Variants in HEATR5A observed in about 807,000 individuals in gnomAD.
HEATR5A encodes HEAT repeat-containing protein 5A.
HEATR5A carries 178 observed loss-of-function variants against 218.8 expected under a neutral mutation model. That is an observed-to-expected ratio of 0.81 (90% CI 0.72 to 0.92). The LOEUF (loss-of-function observed/expected upper bound fraction) is 0.92. Ranked by LOEUF, HEATR5A falls within the 40% of genes least tolerant of loss-of-function variation. The pLI, the probability that HEATR5A is intolerant of heterozygous loss-of-function variation, is 0.00. For missense variants in HEATR5A, 2,420 were observed against 2,418.9 expected (o/e 1.00, Z -0.01); for synonymous variants, 864 against 871.6 (o/e 0.99, Z 0.15).
chr14:31,381,109 G>A (rs970344005), intron 10 of HEATR5A, among the ~76,000 whole-genome samples: 9 of 152,054 alleles, frequency 5.9e-5, no homozygotes, highest in African/African-American at 1.9e-4. Context: ...TTAGCCGGGC[G>A]TGGTGGCACA....
intron 14 of HEATR5A, among the ~76,000 whole-genome samples, chr14:31,363,502 T>C (rs756615739): frequency 3.9e-5 from 6 of 152,160 alleles, no homozygotes; most frequent in Non-Finnish European, 8.8e-5. Flanking sequence ...TGAGGCAAAC[T>C]TATGTTTCAA....
At chr14:31,377,528 G>A (rs1383833543) in intron 11 of HEATR5A, among the ~76,000 whole-genome samples, 1 of 152,022 alleles carries the variant, frequency 6.6e-6, no homozygotes. Context: ...CAGAACTTTG[G>A]GAGGTCAAGG....
intron 28 of HEATR5A, among the ~76,000 whole-genome samples, chr14:31,312,098 G>A (rs1379557938): frequency 6.6e-6 from 1 of 152,186 alleles, no homozygotes; most frequent in Non-Finnish European, 1.5e-5. Flanking sequence ...GGAGAGGGTA[G>A]GCTGTTTACA....
chr14:31,389,105 T>C (rs1258719296), intron 6 of HEATR5A, 100 bp from the exon 7 acceptor site: 8 of 1,143,432 alleles, frequency 7.0e-6, no homozygotes, highest in Non-Finnish European at 9.8e-6. Flanking sequence ...AAAAATAAAC[T>C]AAAAATTCAA....
At position 31,387,176 on chromosome 14, in the gene HEATR5A, T is replaced by C. The variant is rs768905149; in HGVS notation, c.1133A>G (p.Gln378Arg). The change falls in exon 8 of 36, where the codon CAG (glutamine) becomes CGG (arginine). Residue 378 changes from glutamine to arginine, a missense_variant. Transcript: ENST00000543095. ...TIGGLLGEKAQLAAVKDICQA... is the reference protein window; with the variant it reads ...TIGGLLGEKARLAAVKDICQA... ...GCAAATATCCTTTACAGCAGCAAGC[T>C]GAGCCTTTTCTCCAAGAAGACCACC... The C allele has an allele frequency of 1.9e-5, 30 of 1,613,820 alleles. No individual in the cohort carries two copies. The highest frequency in any genetic ancestry group is 8.5e-7 in the Non-Finnish European group (1 of 1,179,868).
At chr14:31,327,275 C>T (rs2139175464) in intron 22 of HEATR5A, among the ~76,000 whole-genome samples, 1 of 148,208 alleles carries the variant, frequency 6.7e-6, no homozygotes, top group African/African-American at 2.5e-5. Flanking sequence ...AGTGCCCAGC[C>T]TCCAGTGGCA....
intron 10 of HEATR5A, among the ~76,000 whole-genome samples, chr14:31,382,347 G>A (rs2030025523): frequency 6.6e-6 from 1 of 152,088 alleles, no homozygotes; most frequent in African/African-American, 2.4e-5. Context: ...TCAAGTTATG[G>A]AATGGTCTTC....
At chr14:31,348,877 C>A (rs963231363) in intron 18 of HEATR5A, among the ~76,000 whole-genome samples, 1 of 152,174 alleles carries the variant, frequency 6.6e-6, no homozygotes, top group Non-Finnish European at 1.5e-5. Context: ...GGTCAAAGTG[C>A]TATCAATACT....
At chr14:31,301,382 G>C (rs1899367346) in intron 33 of HEATR5A, among the ~76,000 whole-genome samples, 2 of 151,832 alleles carry the variant, frequency 1.3e-5, no homozygotes, top group African/African-American at 4.8e-5. Context: ...CAGCCTCCTG[G>C]GTAGCTAGGA....
Position 31,293,323 on chromosome 14 carries a change from T to C in HEATR5A, c.6123A>G (p.Leu2041=), listed in dbSNP as rs751652730. The change falls in exon 36 of 36, where the codon TTA becomes TTG. Residue 2041 remains leucine (L), a synonymous_variant. Transcript: ENST00000543095. Reference sequence around the variant, plus strand: ...AAAAAAATCAGAGGAAACTGGTCTTTAATTGGATGCTTGAGTTTTTTCCAG... The same window carrying C: ...AAAAAAATCAGAGGAAACTGGTCTTCAATTGGATGCTTGAGTTTTTTCCAG... ...KSPGKNSSIQ[L]KTSFL 5.0e-6 allele frequency: 8 copies of C among 1,591,770 alleles called. No homozygotes were observed. The highest frequency in any genetic ancestry group is 5.1e-6 in the Non-Finnish European group (6 of 1,173,192).
chr14:31,326,359 C>A lies in HEATR5A; in HGVS notation c.3368-17G>T. 6.3e-7 allele frequency: 1 copy of A among 1,592,664 alleles called. No individual in the cohort carries two copies. The highest frequency in any genetic ancestry group is 8.6e-7 in the Non-Finnish European group (1 of 1,167,772). On this transcript the variant is annotated splice_polypyrimidine_tract_variant and intron_variant, in intron 22 of 35. Transcript: ENST00000543095. ...TGTTAGCATCTGACAAGAAGAAAAT[C>A]AATTATCTAAGTAATACAGAAAACA... is the stretch of plus-strand genomic sequence containing the variant.
chr14:31,302,289 A>T lies in HEATR5A; in HGVS notation c.5464+6T>A. 1.3e-6 allele frequency: 2 copies of T among 1,571,476 alleles called. No individual in the cohort carries two copies. The highest frequency in any genetic ancestry group is 1.7e-6 in the Non-Finnish European group (2 of 1,153,390). On this transcript the variant is annotated splice_donor_region_variant and intron_variant, in intron 33 of 35. Transcript: ENST00000543095. ...AACTGAACTGCTTCCAAATAGCCTC[A>T]ATTACCTGGATCCCAACAGTCAAGA...
chr14:31,324,184 G>A (rs1478411780), intron 23 of HEATR5A, among the ~76,000 whole-genome samples: 2 of 152,116 alleles, frequency 1.3e-5, no homozygotes, highest in East Asian at 1.9e-4. Context: ...TCGGGTGTGG[G>A]TGGGATACAT....
chr14:31,394,191 C>T lies in HEATR5A; in HGVS notation c.633G>A (p.Met211Ile), dbSNP rs569968656. Residue 211 changes from methionine to isoleucine, a missense_variant, in exon 6 of 36, where the codon ATG (methionine) becomes ATA (isoleucine). Coordinates refer to ENST00000543095, the MANE Select transcript of HEATR5A (RefSeq NM_015473.4). ...LLELQNEAIF[M>I]WSTDLDSVAT... The stretch of plus-strand genomic sequence containing the variant: ...CCACACTGTCCAGGTCCGTACTCCA[C>T]ATAAAGATGGCTTCATTCTGAAGTT... 1.1e-4 allele frequency: 172 copies of T among 1,506,150 alleles called. 2 individuals carry two copies. The South Asian group carries it at 2.1e-3, about 19-fold the overall frequency. 93.3% of individuals were successfully genotyped at this position (1,506,150 alleles called of 1,614,324 possible).
At chr14:31,383,893 A>G in intron 9 of HEATR5A, 122 bp from the exon 10 acceptor site, 1 of 695,006 alleles carries the variant, frequency 1.4e-6, no homozygotes, top group Non-Finnish European at 2.2e-6. Flanking sequence ...CCACATTATA[A>G]TAGAAAAATA....
chr14:31,387,417 C>T (rs2030272770), intron 7 of HEATR5A, 42 bp from the exon 8 acceptor site: 1 of 1,427,678 alleles, frequency 7.0e-7, no homozygotes. Flanking sequence ...TAAATTGTTT[C>T]AATTCTGTAT....
chr14:31,302,618 T>C, intron 32 of HEATR5A, 99 bp from the exon 33 acceptor site: 2 of 778,790 alleles, frequency 2.6e-6, no homozygotes, highest in Non-Finnish European at 4.1e-6. Context: ...AGATTTTCAG[T>C]TTTTAAAAGA....
chr14:31,383,070 C>T (rs554845745), intron 10 of HEATR5A, among the ~76,000 whole-genome samples: 5 of 151,816 alleles, frequency 3.3e-5, no homozygotes, highest in Non-Finnish European at 7.4e-5. Context: ...GTTATCATTG[C>T]TTTTAGGCCT....
chr14:31,365,677 G>A (rs1901776082), intron 13 of HEATR5A, among the ~76,000 whole-genome samples: 1 of 146,634 alleles, frequency 6.8e-6, no homozygotes, highest in Admixed American at 6.8e-5. Context: ...TTTTGTTGTT[G>A]TTGTCGAGAC....
Sources: gnomAD v4.1 joint callset for allele counts (sites outside exome capture counted in the v4.1 genomes callset) on GRCh38, gnomAD v4.1.1 for gene constraint, MANE v1.5 for transcripts, NCBI Gene and HGNC (gene_info 2026-07-23, HGNC 2026-07-21) for gene names.